FLVCR2: variants seen among roughly 807,000 people sequenced by gnomAD.
FLVCR2 encodes FLVCR choline and putative heme transporter 2.
FLVCR2 carries 38 observed loss-of-function variants against 48.9 expected under a neutral mutation model. The observed-to-expected ratio is 0.78, with a 90% CI of 0.60 to 1.02. FLVCR2 has a LOEUF of 1.02. Among genes scored for constraint, FLVCR2 ranks in the 50% least tolerant of loss-of-function variants. FLVCR2 has a pLI of 0.00. For synonymous variants in FLVCR2, 255 were observed against 257.0 expected, an observed-to-expected ratio of 0.99 and a Z score of 0.07; for missense variants, 664 against 663.3, an observed-to-expected ratio of 1.00 and a Z score of -0.01.
At chr14:75,598,707 C>A (rs1348905258) in intron 1 of FLVCR2, among the ~76,000 whole-genome samples, 1 of 152,206 alleles carries the variant, frequency 6.6e-6, no homozygotes, top group Non-Finnish European at 1.5e-5. Context: ...AACTCCTGGC[C>A]TCAAGCGATC....
At position 75,579,264 on chromosome 14, in the gene FLVCR2, A is replaced by G. The variant is rs1202634824; in HGVS notation, c.292A>G (p.Asn98Asp). 2 of 1,614,064 alleles carry G rather than the reference A, an allele frequency of 1.2e-6. No individual in the cohort carries two copies. The highest frequency in any genetic ancestry group is 1.7e-5 in the Admixed American group (1 of 60,008). Residue 98 changes from asparagine (N) to aspartate (D), a missense_variant, in exon 1 of 10, where the codon AAC (asparagine) becomes GAC (aspartate). Asn to Asp is a conservative substitution (Grantham distance 23). Transcript: ENST00000238667. ...VLVFSCYSMC[N>D]SFQWIQYGSI... is the part of the protein sequence containing the mutation. The stretch of plus-strand genomic sequence containing the variant: ...GGTGTTTAGCTGCTACTCCATGTGC[A>G]ACTCCTTTCAGTGGATCCAGTACGG...
intron 2 of FLVCR2, 35 bp from the exon 3 acceptor site, chr14:75,624,577 G>A: frequency 1.2e-6 from 2 of 1,613,878 alleles, no homozygotes; most frequent in Non-Finnish European, 1.7e-6. Flanking sequence ...TGGGACCATG[G>A]GAATTTTCAG....
At chr14:75,620,676 T>C (rs1889740987) in intron 1 of FLVCR2, among the ~76,000 whole-genome samples, 1 of 152,228 alleles carries the variant, frequency 6.6e-6, no homozygotes, top group Non-Finnish European at 1.5e-5. Flanking sequence ...GAGTACGTTT[T>C]AAAGATGCAT....
At chr14:75,609,852 G>C (rs1483627618) in intron 1 of FLVCR2, among the ~76,000 whole-genome samples, 3 of 151,488 alleles carry the variant, frequency 2.0e-5, no homozygotes, top group Non-Finnish European at 4.4e-5. Context: ...TTCTCCTTTG[G>C]GCTGTTTTAT....
intron 6 of FLVCR2, 157 bp from the exon 7 acceptor site, chr14:75,640,798 A>G: frequency 1.4e-6 from 1 of 690,174 alleles, no homozygotes; most frequent in Non-Finnish European, 2.6e-6. Context: ...TCTCCTTGGT[A>G]TGATCACATA....
intron 1 of FLVCR2, among the ~76,000 whole-genome samples, chr14:75,597,844 G>A (rs1367442358): frequency 6.6e-6 from 1 of 152,014 alleles, no homozygotes; most frequent in Non-Finnish European, 1.5e-5. Flanking sequence ...TGCTGGGATT[G>A]CAGGTGTGAG....
chr14:75,646,190 C>T (rs1890417195), intron 9 of FLVCR2, among the ~76,000 whole-genome samples: 1 of 152,082 alleles, frequency 6.6e-6, no homozygotes, highest in African/African-American at 2.4e-5. Context: ...CCTCTGATGA[C>T]CTCATGATGT....
chr14:75,600,357 T>C (rs1337997394), intron 1 of FLVCR2, among the ~76,000 whole-genome samples: 1 of 152,212 alleles, frequency 6.6e-6, no homozygotes, highest in Non-Finnish European at 1.5e-5. Flanking sequence ...GTTTAGCATA[T>C]AATCAAGAAG....
Position 75,579,003 on chromosome 14 carries a change from A to C in FLVCR2, c.31A>C (p.Ser11Arg), listed in dbSNP as rs752434981. 2 of 1,613,984 alleles carry C rather than the reference A, an allele frequency of 1.2e-6. No homozygotes were observed. The highest frequency in any genetic ancestry group is 2.7e-5 in the African/African-American group (2 of 74,980). Residue 11 changes from serine (S) to arginine (R), a missense_variant, in exon 1 of 10, where the codon AGC becomes CGC. Physicochemically the swap from Ser to Arg is moderately radical, Grantham distance 110. Coordinates refer to ENST00000238667, the MANE Select transcript of FLVCR2 (RefSeq NM_017791.3). MVNEGPNQEESDDTPVPESAL... is the reference protein window; with the variant it reads MVNEGPNQEERDDTPVPESAL... ...GAATGAAGGTCCCAACCAGGAAGAG[A>C]GCGATGACACCCCTGTGCCGGAGTC...
chr14:75,580,309 T>C (rs1888563310), intron 1 of FLVCR2, among the ~76,000 whole-genome samples: 2 of 152,218 alleles, frequency 1.3e-5, no homozygotes, highest in Non-Finnish European at 2.9e-5. Flanking sequence ...ATTCTTTGCA[T>C]CTCAATGTGG....
chr14:75,637,398 G>A (rs1376009834), intron 5 of FLVCR2, among the ~76,000 whole-genome samples: 4 of 152,242 alleles, frequency 2.6e-5, no homozygotes, highest in Non-Finnish European at 5.9e-5. Flanking sequence ...CCTCCACCAT[G>A]ATTCTGGCTT....
At chr14:75,623,182 A>G (rs1279353100) in intron 2 of FLVCR2, among the ~76,000 whole-genome samples, 2 of 152,066 alleles carry the variant, frequency 1.3e-5, no homozygotes, top group Admixed American at 6.6e-5. Flanking sequence ...GGGTTTCACT[A>G]TGTTGGCCAG....
chr14:75,641,308 G>A lies in FLVCR2; in HGVS notation c.1453+15G>A. 1 of 1,589,014 alleles carries A rather than the reference G, an allele frequency of 6.3e-7. No individual in the cohort carries two copies. The highest frequency in any genetic ancestry group is 8.6e-7 in the Non-Finnish European group (1 of 1,157,278). On this transcript the variant is annotated intron_variant, in intron 8 of 9. Coordinates refer to ENST00000238667, the MANE Select transcript of FLVCR2 (RefSeq NM_017791.3). ...AGCCCTCACTGGTGAGTTGGAGCCTGAGGGCAAGATGAGGCTCAGGTTGGC... is the reference window on the plus strand; with the variant it reads ...AGCCCTCACTGGTGAGTTGGAGCCTAAGGGCAAGATGAGGCTCAGGTTGGC...
chr14:75,643,202 G>A (rs528444514), intron 9 of FLVCR2, among the ~76,000 whole-genome samples: 88 of 152,264 alleles, frequency 5.8e-4, no homozygotes, highest in African/African-American at 2.1e-3. Flanking sequence ...TCCTTTATAC[G>A]GATAAGCCAT....
intron 1 of FLVCR2, among the ~76,000 whole-genome samples, chr14:75,592,070 A>G (rs188115175): frequency 6.6e-6 from 1 of 151,608 alleles, no homozygotes; most frequent in East Asian, 2.0e-4. Context: ...AACTCAAGTG[A>G]TCCACCCACC....
chr14:75,607,642 C>T (rs578162985), intron 1 of FLVCR2, among the ~76,000 whole-genome samples: 20 of 152,290 alleles, frequency 1.3e-4, no homozygotes, highest in African/African-American at 2.6e-4. Flanking sequence ...TCTGCTTCCT[C>T]GTCTGGACTT....
At chr14:75,614,308 C>T (rs1171041175) in intron 1 of FLVCR2, among the ~76,000 whole-genome samples, 2 of 152,228 alleles carry the variant, frequency 1.3e-5, no homozygotes, top group African/African-American at 4.8e-5. Flanking sequence ...GACAAATGTG[C>T]AGTGGCAATG....
At chr14:75,644,724 C>T (rs898102674) in intron 9 of FLVCR2, among the ~76,000 whole-genome samples, 8 of 152,156 alleles carry the variant, frequency 5.3e-5, no homozygotes, top group Admixed American at 2.0e-4. Flanking sequence ...CGTGACATTA[C>T]GCACCCCATG....
chr14:75,635,805 T>C (rs1230881063), intron 5 of FLVCR2, among the ~76,000 whole-genome samples: 1 of 152,006 alleles, frequency 6.6e-6, no homozygotes, highest in East Asian at 1.9e-4. Flanking sequence ...TGGAGGTTGC[T>C]GTGAACTGGG....
Sources: gnomAD v4.1 joint callset for allele counts (sites outside exome capture counted in the v4.1 genomes callset) on GRCh38, gnomAD v4.1.1 for gene constraint, MANE v1.5 for transcripts, NCBI Gene and HGNC (gene_info 2026-07-23, HGNC 2026-07-21) for gene names.